The following TCERG1L variants were observed in gnomAD, a reference collection of about 807,000 sequenced individuals.
TCERG1L encodes transcription elongation regulator 1-like protein.
TCERG1L carries 37 observed loss-of-function variants against 56.3 expected under a neutral mutation model. The ratio of observed to expected loss-of-function variants is 0.66; its 90% CI spans 0.51 to 0.87. The LOEUF (loss-of-function observed/expected upper bound fraction) is 0.87, where lower values mean the gene tolerates loss of function less well. TCERG1L is among the 40% of genes least tolerant of loss of function. The pLI, the probability that TCERG1L is intolerant of heterozygous loss-of-function variation, is 0.00. For missense variants in TCERG1L, 799 were observed against 774.2 expected, an observed-to-expected ratio of 1.03 and a Z score of -0.38; for synonymous variants, 324 against 326.3, an observed-to-expected ratio of 0.99 and a Z score of 0.08.
intron 3 of TCERG1L, among the ~76,000 whole-genome samples, chr10:131,263,406 T>A (rs1477425535): frequency 6.6e-6 from 1 of 152,180 alleles, no homozygotes; most frequent in Admixed American, 6.5e-5. Context: ...CTGAACACTG[T>A]CCATCTTTTG....
chr10:131,263,818 G>T (rs1846257176), intron 3 of TCERG1L, among the ~76,000 whole-genome samples: 1 of 152,200 alleles, frequency 6.6e-6, no homozygotes, highest in African/African-American at 2.4e-5. Flanking sequence ...CTCCCCTTAG[G>T]ATCTCTGTTT....
intron 3 of TCERG1L, among the ~76,000 whole-genome samples, chr10:131,270,634 C>T (rs1325995979): frequency 2.0e-5 from 3 of 152,354 alleles, no homozygotes; most frequent in Admixed American, 6.5e-5. Flanking sequence ...TGGCTGCTGC[C>T]GTTGCTGGCG....
intron 9 of TCERG1L, among the ~76,000 whole-genome samples, chr10:131,106,512 C>A (rs577132327): frequency 3.2e-4 from 49 of 152,234 alleles, no homozygotes; most frequent in African/African-American, 1.1e-3. Flanking sequence ...GCAGGAATTG[C>A]AAGAGGTTGA....
intron 4 of TCERG1L, among the ~76,000 whole-genome samples, chr10:131,255,988 A>G (rs1042695540): frequency 1.3e-5 from 2 of 152,234 alleles, no homozygotes; most frequent in Non-Finnish European, 2.9e-5. Flanking sequence ...TAAGTGTTCC[A>G]CTAGAGGTAA....
intron 4 of TCERG1L, among the ~76,000 whole-genome samples, chr10:131,203,682 T>C (rs899041839): frequency 1.3e-5 from 2 of 152,172 alleles, no homozygotes; most frequent in Non-Finnish European, 2.9e-5. Context: ...GAGGTTGGAA[T>C]CCAGAGGCCA....
rs918675374 is a variant in TCERG1L at position 131,092,442 on chromosome 10, G to C, written c.*720C>G. On this transcript the variant is annotated 3_prime_UTR_variant, in exon 12 of 12. Coordinates refer to ENST00000368642, the MANE Select transcript of TCERG1L (RefSeq NM_174937.4). Reference sequence around the variant, plus strand: ...AAAAATTAAAAATTTTTTATACAAAGGTGATGAGAAAAAATCTCATGCAAA... The same window carrying C: ...AAAAATTAAAAATTTTTTATACAAACGTGATGAGAAAAAATCTCATGCAAA... The C allele has an allele frequency of 6.6e-6, 1 of 152,498 alleles. No homozygotes were observed. The highest frequency in any genetic ancestry group is 1.5e-5 in the Non-Finnish European group (1 of 68,014). The allele number at this position is 152,498 out of a possible 1,614,324, so 9.4% of individuals were successfully genotyped here.
chr10:131,155,697 G>A (rs1332842833), intron 6 of TCERG1L, among the ~76,000 whole-genome samples: 3 of 152,126 alleles, frequency 2.0e-5, no homozygotes, highest in East Asian at 1.9e-4. Context: ...CTGACAGCAC[G>A]TCCGGGAGCT....
chr10:131,262,016 A>C (rs1846241622), intron 3 of TCERG1L, among the ~76,000 whole-genome samples: 2 of 152,206 alleles, frequency 1.3e-5, no homozygotes, highest in African/African-American at 4.8e-5. Context: ...CTGCAAGGAA[A>C]TCATCAGGGA....
intron 4 of TCERG1L, among the ~76,000 whole-genome samples, chr10:131,204,199 C>G (rs1845490124): frequency 6.6e-6 from 1 of 152,230 alleles, no homozygotes; most frequent in Non-Finnish European, 1.5e-5. Flanking sequence ...CTTGGCAGCT[C>G]TCATCAGGCA....
chr10:131,210,526 G>A (rs1845605412), intron 4 of TCERG1L, among the ~76,000 whole-genome samples: 1 of 152,194 alleles, frequency 6.6e-6, no homozygotes, highest in Admixed American at 6.5e-5. Flanking sequence ...GAATTATCTG[G>A]GAAAAATTCC....
chr10:131,229,639 A>T (rs1314262247), intron 4 of TCERG1L, among the ~76,000 whole-genome samples: 1 of 152,148 alleles, frequency 6.6e-6, no homozygotes, highest in Non-Finnish European at 1.5e-5. Context: ...ATAGCCCAAG[A>T]CACATAGAGA....
At chr10:131,189,443 G>A (rs187583379) in intron 4 of TCERG1L, among the ~76,000 whole-genome samples, 57 of 152,298 alleles carry the variant, frequency 3.7e-4, no homozygotes, top group African/African-American at 1.3e-3. Context: ...GACCCGCAGT[G>A]TCTGGCTCAT....
chr10:131,294,837 CT>C (rs796613613), intron 3 of TCERG1L, among the ~76,000 whole-genome samples: 3,275 of 145,444 alleles, frequency 0.023, 117 homozygotes, highest in African/African-American at 0.074. Flanking sequence ...TCTTTTAAGC[CT>C]TTTTTTTTTT....
intron 4 of TCERG1L, among the ~76,000 whole-genome samples, chr10:131,228,155 G>A (rs1037302286): frequency 5.3e-5 from 8 of 150,300 alleles, no homozygotes; most frequent in Middle Eastern, 3.5e-3. Context: ...CAAGGCCTCC[G>A]GAGTCTCCCC....
intron 3 of TCERG1L, among the ~76,000 whole-genome samples, chr10:131,292,788 GT>G (rs11366277): frequency 0.73 from 109,031 of 150,104 alleles, 39,769 homozygotes; most frequent in East Asian, 0.85. Context: ...CATTTAATGT[GT>G]TTTTTTTTTC....
At chr10:131,197,074 C>G (rs1319024866) in intron 4 of TCERG1L, among the ~76,000 whole-genome samples, 1 of 152,142 alleles carries the variant, frequency 6.6e-6, no homozygotes. Flanking sequence ...CAAGACACTC[C>G]CTGTGTGGTC....
intron 4 of TCERG1L, among the ~76,000 whole-genome samples, chr10:131,256,375 G>C (rs949643584): frequency 6.6e-6 from 1 of 152,148 alleles, no homozygotes; most frequent in African/African-American, 2.4e-5. Flanking sequence ...CTGTTCTGTG[G>C]CAGGACAAAA....
chr10:131,108,437 G>A (rs1176859569), intron 9 of TCERG1L, among the ~76,000 whole-genome samples: 2 of 150,018 alleles, frequency 1.3e-5, no homozygotes, highest in African/African-American at 4.9e-5. Context: ...CTGTCTGTGG[G>A]GAATAAACGC....
At chr10:131,297,031 G>A (rs1846701423) in intron 3 of TCERG1L, among the ~76,000 whole-genome samples, 1 of 152,194 alleles carries the variant, frequency 6.6e-6, no homozygotes, top group Non-Finnish European at 1.5e-5. Context: ...TGCACATAGA[G>A]ACAGTTTTGT....
Sources: allele counts gnomAD v4.1 joint callset (sites outside exome capture counted in the v4.1 genomes callset), GRCh38; gene constraint gnomAD v4.1.1; transcripts MANE v1.5; gene names NCBI Gene and HGNC (gene_info 2026-07-23, HGNC 2026-07-21).